Variants in NALCN observed in about 807,000 individuals in gnomAD.
NALCN encodes the protein sodium leak channel, non-selective.
Under a neutral mutation model 225.3 loss-of-function variants are expected in NALCN, and 111 were observed. That is an observed-to-expected ratio of 0.49 (90% CI 0.42 to 0.58). The LOEUF is 0.58. Ranked by LOEUF, NALCN falls within the 20% of genes least tolerant of loss-of-function variation. The pLI is 0.00. For missense variants in NALCN, 1,378 were observed against 2,202.4 expected (o/e 0.63, Z 7.49); for synonymous variants, 764 against 769.0 (o/e 0.99, Z 0.11).
In NALCN at chr13:101,261,493, T is replaced by C. The variant is rs534670178; in HGVS notation, c.1135-2919A>G. On this transcript the variant is annotated intron_variant, in intron 10 of 43. Coordinates refer to ENST00000251127, the MANE Select transcript of NALCN (RefSeq NM_052867.4). ...TCTTCCAATCCATGAATATGGAATA[T>C]TTTTCCATTTTTGGTGTCCTCTTCG... 2.6e-5 allele frequency among the ~76,000 whole-genome samples: 4 copies of C among 152,330 alleles called. No individual in the cohort carries two copies. The South Asian group carries it at 6.2e-4, about 24-fold the overall frequency.
At position 101,073,654 on chromosome 13, in the gene NALCN, C is replaced by T; in HGVS notation, c.4127G>A (p.Gly1376Glu). ...TCGGAACAGTACGGTAATAGCTTTTCCAGCCGAAGAAAAATTTGCATGCCT... is the reference window on the plus strand; with the variant it reads ...TCGGAACAGTACGGTAATAGCTTTTTCAGCCGAAGAAAAATTTGCATGCCT... The part of the protein sequence containing the change: ...INRHANFSSA[G>E]KAITVLFRIV... The change falls in exon 37 of 44, where the codon GGA becomes GAA. Residue 1376 changes from glycine (G) to glutamate (E), a missense_variant. By Grantham distance (98) the Gly-to-Glu change is moderately conservative (BLOSUM62 -2). Coordinates refer to ENST00000251127, the MANE Select transcript of NALCN (RefSeq NM_052867.4). 1 of 1,612,600 alleles carries T rather than the reference C, an allele frequency of 6.2e-7. No homozygotes were observed. Among genetic ancestry groups the T allele is most frequent in the Non-Finnish European group, 8.5e-7 (1 of 1,179,528 alleles).
intron 13 of NALCN, among the ~76,000 whole-genome samples, chr13:101,225,970 A>G (rs1038260334): frequency 6.6e-6 from 1 of 151,966 alleles, no homozygotes. Context: ...CCCACAATCA[A>G]CCCAAGACCA....
At chr13:101,266,921 A>T (rs1447345694) in intron 10 of NALCN, among the ~76,000 whole-genome samples, 1 of 152,234 alleles carries the variant, frequency 6.6e-6, no homozygotes, top group Admixed American at 6.5e-5. Context: ...AAAAGGTAAC[A>T]CTTATATCAA....
intron 13 of NALCN, among the ~76,000 whole-genome samples, chr13:101,228,384 C>T (rs1378140368): frequency 6.6e-6 from 1 of 151,988 alleles, no homozygotes; most frequent in Non-Finnish European, 1.5e-5. Context: ...TGGCTGTGTC[C>T]CCACCCAAAT....
At chr13:101,390,513 A>G (rs923715977) in intron 3 of NALCN, among the ~76,000 whole-genome samples, 2 of 152,280 alleles carry the variant, frequency 1.3e-5, no homozygotes, top group East Asian at 3.9e-4. Flanking sequence ...TCCTGAAAAC[A>G]ATGCAATAAA....
chr13:101,405,311 T>C (rs1038394525), intron 1 of NALCN, among the ~76,000 whole-genome samples: 3 of 152,232 alleles, frequency 2.0e-5, no homozygotes, highest in African/African-American at 7.2e-5. Flanking sequence ...AGCAAATGAA[T>C]GTAGCATCAT....
At position 101,089,045 on chromosome 13, in the gene NALCN, GCGCCACCA is replaced by G. The variant is rs2034079035; in HGVS notation, c.3489+610_3489+617del. ...ACCCAGTAGCTGGGATTACAGGCAT[GCGCCACCA>G]CGCCCGGCTAATTTTTGTATTTTTA... On this transcript the variant is annotated intron_variant, in intron 30 of 43. Transcript: ENST00000251127. The surrounding 1 kb of genome is among the most constrained non-coding windows in gnomAD (Gnocchi z 4.7). 6.6e-6 allele frequency among the ~76,000 whole-genome samples: 1 copy of G among 151,782 alleles called. No individual in the cohort carries two copies. Among genetic ancestry groups the G allele is most frequent in the East Asian group, 1.9e-4 (1 of 5,170 alleles).
intron 7 of NALCN, among the ~76,000 whole-genome samples, chr13:101,318,267 G>A (rs1279291937): frequency 2.0e-5 from 3 of 152,126 alleles, no homozygotes; most frequent in Non-Finnish European, 2.9e-5. Context: ...GGAGCAGTGC[G>A]GGGTGCATGA....
At chr13:101,332,146 T>C (rs2045198661) in intron 7 of NALCN, among the ~76,000 whole-genome samples, 1 of 151,920 alleles carries the variant, frequency 6.6e-6, no homozygotes. Flanking sequence ...CAAATATTAA[T>C]CAGTATTCCA....
intron 7 of NALCN, among the ~76,000 whole-genome samples, chr13:101,317,031 GCA>G (rs563060493): frequency 1.2e-3 from 187 of 152,100 alleles, no homozygotes; most frequent in Admixed American, 3.2e-3. Flanking sequence ...TTATTGAAAT[GCA>G]CAGTGTTCAA....
At chr13:101,250,094 A>G (rs2042017433) in intron 11 of NALCN, among the ~76,000 whole-genome samples, 1 of 152,126 alleles carries the variant, frequency 6.6e-6, no homozygotes, top group African/African-American at 2.4e-5. Flanking sequence ...TAAAAATGTA[A>G]TTGAAATTAT....
At chr13:101,105,643 C>A (rs536097701) in intron 22 of NALCN, among the ~76,000 whole-genome samples, 14 of 147,122 alleles carry the variant, frequency 9.5e-5, no homozygotes, top group African/African-American at 2.7e-4. Context: ...ATAAAAAAAA[C>A]GTACTTCAAG....
chr13:101,386,305 A>G (rs2046984848), intron 3 of NALCN, among the ~76,000 whole-genome samples: 1 of 152,310 alleles, frequency 6.6e-6, no homozygotes, highest in East Asian at 1.9e-4. Context: ...GCTATCCACC[A>G]TGTTTTCAGA....
intron 7 of NALCN, among the ~76,000 whole-genome samples, chr13:101,340,571 G>T (rs1177392095): frequency 6.6e-6 from 1 of 152,122 alleles, no homozygotes; most frequent in Non-Finnish European, 1.5e-5. Flanking sequence ...ACTGTATAAG[G>T]TAGGTCTATC....
rs1158879942 is a variant in NALCN, at chr13:101,124,531, C to A, written c.2192+77G>T. 2.4e-6 allele frequency: 3 copies of A among 1,272,222 alleles called. No individual in the cohort carries two copies. The Admixed American group carries it at 5.7e-5, about 24-fold the overall frequency. 78.8% of individuals were successfully genotyped at this position (1,272,222 alleles called of 1,614,324 possible). A position where few individuals can be genotyped will look rare whatever the true frequency, so the allele number is the denominator to read the frequency against. On this transcript the variant is annotated intron_variant, in intron 18 of 43. Coordinates refer to ENST00000251127, the MANE Select transcript of NALCN (RefSeq NM_052867.4). ...TATGCTGATGCCCAGAACATTAATT[C>A]ATTTTTCAAAAAGCTATTTTTCGAT...
chr13:101,193,881 A>T (rs983769509), intron 13 of NALCN, among the ~76,000 whole-genome samples: 2 of 152,190 alleles, frequency 1.3e-5, no homozygotes, highest in Admixed American at 6.5e-5. Flanking sequence ...TATTTTCTTC[A>T]ATGAAGGTAT....
At chr13:101,257,658 T>C (rs754985321) in intron 11 of NALCN, among the ~76,000 whole-genome samples, 2 of 152,214 alleles carry the variant, frequency 1.3e-5, no homozygotes, top group Admixed American at 1.3e-4. Flanking sequence ...CAACTGTGTA[T>C]GTATACCTCA....
intron 14 of NALCN, among the ~76,000 whole-genome samples, chr13:101,183,286 C>T (rs369425553): frequency 7.9e-5 from 12 of 152,110 alleles, no homozygotes; most frequent in African/African-American, 2.4e-4. Context: ...CATATTAAAA[C>T]GGTATTGATG....
chr13:101,259,200 A>G (rs888777388), intron 10 of NALCN, among the ~76,000 whole-genome samples: 2 of 152,136 alleles, frequency 1.3e-5, no homozygotes, highest in Non-Finnish European at 2.9e-5. Context: ...AGGCTCAAAG[A>G]GGTTAAGTAA....
Sources: allele counts gnomAD v4.1 joint callset (sites outside exome capture counted in the v4.1 genomes callset), GRCh38; gene constraint gnomAD v4.1.1; non-coding constraint Gnocchi (gnomAD v3.1); transcripts MANE v1.5; gene names NCBI Gene and HGNC (gene_info 2026-07-23, HGNC 2026-07-21).